TACC2: variants seen among roughly 807,000 people sequenced by gnomAD.
The protein encoded by TACC2 is transforming acidic coiled-coil-containing protein 2.
TACC2 carries 137 observed loss-of-function variants against 227.3 expected under a neutral mutation model. The observed-to-expected ratio is 0.60, with a 90% CI of 0.52 to 0.69. The LOEUF is 0.69. Ranked by LOEUF, TACC2 falls within the 30% of genes least tolerant of loss-of-function variation. The probability of loss-of-function intolerance (pLI) is 0.00; values close to 1 mark genes in which losing one functional copy is unlikely to be tolerated. For synonymous variants in TACC2, 1,523 were observed against 1,487.5 expected (o/e 1.02, Z -0.55); for missense variants, 3,470 against 3,694.4 (o/e 0.94, Z 1.57).
chr10:122,253,261 T>G (rs182424132), intron 22 of TACC2, among the ~76,000 whole-genome samples: 1 of 152,342 alleles, frequency 6.6e-6, no homozygotes, highest in Non-Finnish European at 1.5e-5. Context: ...TCGGTCGTGC[T>G]GTTGAACTTG....
chr10:122,186,548 C>G (rs372619578), intron 7 of TACC2, among the ~76,000 whole-genome samples: 24 of 151,200 alleles, frequency 1.6e-4, no homozygotes, highest in South Asian at 1.2e-3. Flanking sequence ...GAGTCTTGCT[C>G]TGTCACCCAG....
At chr10:122,089,345 G>T (rs1050680879) in intron 5 of TACC2, among the ~76,000 whole-genome samples, 25 of 152,286 alleles carry the variant, frequency 1.6e-4, no homozygotes, top group Admixed American at 1.3e-3. Context: ...ACATCTTGAT[G>T]CAAATGGGTT....
chr10:122,176,582 A>AT lies in TACC2; in HGVS notation c.5835-18449dup, dbSNP rs144013234. Among the ~76,000 whole-genome samples, 179 of 151,726 alleles carry AT rather than the reference A, an allele frequency of 1.2e-3. 1 individual carries two copies. Among genetic ancestry groups the AT allele is most frequent in the Admixed American group, 4.5e-3 (69 of 15,218 alleles). On this transcript the variant is annotated intron_variant, in intron 7 of 22. Coordinates refer to ENST00000369005, the MANE Select transcript of TACC2 (RefSeq NM_206862.4). Reference sequence around the variant, plus strand: ...CCATTGTATGTGTAGACAAATATAGATTTTTTTTTCTCTGTAGAATGTGTG... The same window carrying AT: ...CCATTGTATGTGTAGACAAATATAGATTTTTTTTTTCTCTGTAGAATGTGTG...
Position 122,210,643 on chromosome 10 carries a change from C to T in TACC2, c.6218C>T (p.Thr2073Met), listed in dbSNP as rs1475016676. Residue 2073 changes from threonine (T) to methionine (M), a missense_variant, in exon 9 of 23, where the codon ACG becomes ATG. Physicochemically the swap from Thr to Met is moderately conservative, Grantham distance 81. Around this residue, in one of 10 missense-constraint regions of TACC2, gnomAD observed 593 missense variants for 636.6 expected, o/e 0.93. Coordinates refer to ENST00000369005, the MANE Select transcript of TACC2 (RefSeq NM_206862.4). This position sits in a 1 kb window ranked among gnomAD's most constrained non-coding sequence, Gnocchi z 4.6. Reference sequence around the variant, plus strand: ...AAAGTGAACACACGGAGGAAGTCCACGGATTCCGTCCCCATCTCTAAGTCT... The same window carrying T: ...AAAGTGAACACACGGAGGAAGTCCATGGATTCCGTCCCCATCTCTAAGTCT... ...EGKVNTRRKS[T>M]DSVPISKSTL... 9.3e-6 allele frequency: 15 copies of T among 1,613,932 alleles called. No individual in the cohort carries two copies. Among genetic ancestry groups the T allele is most frequent in the East Asian group, 2.2e-5 (1 of 44,870 alleles).
rs201895792 is a variant in TACC2 at position 122,085,655 on chromosome 10, C to G, written c.3155C>G (p.Ala1052Gly). 5 of 1,613,604 alleles carry G rather than the reference C, an allele frequency of 3.1e-6. No individual in the cohort carries two copies. Among genetic ancestry groups the G allele is most frequent in the Non-Finnish European group, 3.4e-6 (4 of 1,180,044 alleles). ...CCACCTTGTCAGCCTGACTCAGTAGCTCTCCTGGATGCAGTTCCCTGCCTG... is the reference window on the plus strand; with the variant it reads ...CCACCTTGTCAGCCTGACTCAGTAGGTCTCCTGGATGCAGTTCCCTGCCTG... ...EAPPCQPDSV[A>G]LLDAVPCLPA... Residue 1052 changes from alanine (A) to glycine (G), a missense_variant, in exon 4 of 23, where the codon GCT becomes GGT. Ala to Gly is a moderately conservative substitution (Grantham distance 60). Around this residue, in one of 10 missense-constraint regions of TACC2, gnomAD observed 1,924 missense variants for 1,978.3 expected, o/e 0.97. Transcript: ENST00000369005.
At chr10:122,106,460 T>C (rs999878156) in intron 5 of TACC2, among the ~76,000 whole-genome samples, 3 of 152,234 alleles carry the variant, frequency 2.0e-5, no homozygotes, top group African/African-American at 7.2e-5. Flanking sequence ...TAGCCTGGCT[T>C]CTCATTTCTA....
intron 7 of TACC2, chr10:122,163,985 G>C: frequency 1.3e-6 from 2 of 1,584,732 alleles, no homozygotes; most frequent in Non-Finnish European, 1.7e-6. Flanking sequence ...GGAGGCTTCC[G>C]AGGCAATGTA....
rs996869590 is a variant in TACC2, at chr10:122,034,976, G to A, written c.33+12962G>A. Among the ~76,000 whole-genome samples the A allele has an allele frequency of 5.9e-5, 9 of 151,478 alleles. No homozygotes were observed. The East Asian group carries it at 1.4e-3, about 23-fold the overall frequency. On this transcript the variant is annotated intron_variant, in intron 2 of 22. Transcript: ENST00000369005. ...GGAATCAGAGTTGGAAAGAAACACTGATCTGGTCCACCTCCATTATTTTTC... is the reference window on the plus strand; with the variant it reads ...GGAATCAGAGTTGGAAAGAAACACTAATCTGGTCCACCTCCATTATTTTTC...
At chr10:122,007,185 C>T (rs955800246) in intron 1 of TACC2, among the ~76,000 whole-genome samples, 9 of 151,778 alleles carry the variant, frequency 5.9e-5, no homozygotes, top group African/African-American at 9.7e-5. Flanking sequence ...TTTTTAATGT[C>T]GTTTATTAAA....
In TACC2 at chr10:122,084,217, G is replaced by A. The variant is rs1412781477; in HGVS notation, c.1717G>A (p.Gly573Ser). 1 of 1,613,984 alleles carries A rather than the reference G, an allele frequency of 6.2e-7. No individual in the cohort carries two copies. The highest frequency in any genetic ancestry group is 1.7e-5 in the Admixed American group (1 of 60,008). Residue 573 changes from glycine (G) to serine (S), a missense_variant, in exon 4 of 23, where the codon GGT becomes AGT. Coordinates refer to ENST00000369005, the MANE Select transcript of TACC2 (RefSeq NM_206862.4). ...AVAKEGSRSP[G>S]DSPGGKEEAP... ...GGCTAAAGAAGGAAGCAGATCACCT[G>A]GTGACAGCCCTGGAGGAAAGGAGGA... is the stretch of plus-strand genomic sequence containing the variant.
At chr10:121,995,612 G>C (rs1186193826) in intron 1 of TACC2, among the ~76,000 whole-genome samples, 1 of 152,176 alleles carries the variant, frequency 6.6e-6, no homozygotes, top group East Asian at 1.9e-4. Flanking sequence ...GTTGGCTCAT[G>C]GTTCTGAAGG....
rs1220520898 is a variant in TACC2 at position 122,194,941 on chromosome 10, C to T, written c.5835-99C>T. On this transcript the variant is annotated intron_variant, in intron 7 of 22. Coordinates refer to ENST00000369005, the MANE Select transcript of TACC2 (RefSeq NM_206862.4). The surrounding 1 kb of genome is among the most constrained non-coding windows in gnomAD (Gnocchi z 4.4). Reference sequence around the variant, plus strand: ...GTCCCTGCACAGTTTAACTGAGCAGCGAGCCAGAACCCACTGGCTCTGGGT... The same window carrying T: ...GTCCCTGCACAGTTTAACTGAGCAGTGAGCCAGAACCCACTGGCTCTGGGT... The T allele has an allele frequency of 7.2e-6, 9 of 1,250,428 alleles. No homozygotes were observed. Among genetic ancestry groups the T allele is most frequent in the East Asian group, 2.4e-5 (1 of 42,534 alleles). 77.5% of individuals were successfully genotyped at this position (1,250,428 alleles called of 1,614,324 possible).
chr10:122,093,874 A>T (rs928315206), intron 5 of TACC2, among the ~76,000 whole-genome samples: 1 of 152,192 alleles, frequency 6.6e-6, no homozygotes, highest in Non-Finnish European at 1.5e-5. Context: ...CCTGGAAATT[A>T]AGCAAAAGGA....
At chr10:121,992,129 C>T (rs1011972159) in intron 1 of TACC2, among the ~76,000 whole-genome samples, 9 of 152,164 alleles carry the variant, frequency 5.9e-5, no homozygotes, top group Admixed American at 1.3e-4. Context: ...ATTTCACCCA[C>T]GTTTTATGTG....
intron 1 of TACC2, among the ~76,000 whole-genome samples, chr10:121,996,293 C>A (rs1040672055): frequency 6.6e-6 from 1 of 152,058 alleles, no homozygotes; most frequent in African/African-American, 2.4e-5. Context: ...TGAGCTCAAG[C>A]GATCATCCTG....
chr10:122,218,746 G>A (rs541374822), intron 11 of TACC2, among the ~76,000 whole-genome samples: 1 of 152,146 alleles, frequency 6.6e-6, no homozygotes, highest in East Asian at 1.9e-4. Flanking sequence ...AGGCACAGTG[G>A]CACACACCTG....
intron 7 of TACC2, among the ~76,000 whole-genome samples, chr10:122,160,672 C>A (rs912029744): frequency 6.6e-6 from 1 of 152,146 alleles, no homozygotes; most frequent in African/African-American, 2.4e-5. Flanking sequence ...GGGATTAGGG[C>A]TTCAACACAT....
chr10:122,088,422 G>T, intron 4 of TACC2, 56 bp from the exon 5 acceptor site: 1 of 1,462,222 alleles, frequency 6.8e-7, no homozygotes, highest in East Asian at 2.4e-5. Context: ...AGGACATGAG[G>T]AGAAATGCCT....
chr10:122,060,268 A>G (rs1019581770), intron 3 of TACC2, among the ~76,000 whole-genome samples: 3 of 152,140 alleles, frequency 2.0e-5, no homozygotes, highest in Middle Eastern at 3.2e-3. Context: ...TGCAAGCAAG[A>G]CTGGGGCCAG....
Sources: gnomAD v4.1 joint callset for allele counts (sites outside exome capture counted in the v4.1 genomes callset) on GRCh38, gnomAD v4.1.1 for gene constraint, gnomAD v4.1.1 regional missense constraint, Gnocchi (gnomAD v3.1) non-coding constraint, MANE v1.5 for transcripts, NCBI Gene and HGNC (gene_info 2026-07-23, HGNC 2026-07-21) for gene names.